Variants in IQCH observed in about 807,000 individuals in gnomAD.
IQCH encodes the protein IQ domain-containing protein H.
In IQCH, 98 loss-of-function variants were observed where a neutral mutation model predicts 117.0. The ratio of observed to expected loss-of-function variants is 0.84; its 90% CI spans 0.71 to 0.99. The LOEUF is 0.99. IQCH is among the 50% of genes least tolerant of loss of function. IQCH has a pLI of 0.00. For missense variants in IQCH, 1,102 were observed against 1,243.8 expected (o/e 0.89, Z 1.72); for synonymous variants, 412 against 448.2 (o/e 0.92, Z 1.02).
intron 16 of IQCH, among the ~76,000 whole-genome samples, chr15:67,442,563 G>A (rs895844995): frequency 6.6e-6 from 1 of 152,110 alleles, no homozygotes; most frequent in East Asian, 1.9e-4. Context: ...TACAGGGAAC[G>A]CTTCTACACT....
chr15:67,315,219 T>G (rs376684568), intron 4 of IQCH, among the ~76,000 whole-genome samples: 5 of 152,136 alleles, frequency 3.3e-5, no homozygotes, highest in African/African-American at 1.2e-4. Flanking sequence ...ATTTTCTCCT[T>G]ATTAGAAAGC....
At chr15:67,418,182 G>A (rs2414946) in intron 15 of IQCH, among the ~76,000 whole-genome samples, 3,248 of 152,156 alleles carry the variant, frequency 0.021, 120 homozygotes, top group African/African-American at 0.071. Flanking sequence ...AGGAGTCTTG[G>A]GCAGAGCCAG....
intron 6 of IQCH, among the ~76,000 whole-genome samples, chr15:67,350,196 A>T (rs569886272): frequency 6.6e-6 from 1 of 152,288 alleles, no homozygotes; most frequent in South Asian, 2.1e-4. Context: ...CTAAAAAGGA[A>T]CTAATTGCTG....
intron 4 of IQCH, among the ~76,000 whole-genome samples, chr15:67,335,090 A>G (rs943863304): frequency 8.5e-5 from 13 of 152,120 alleles, no homozygotes; most frequent in Non-Finnish European, 1.9e-4. Flanking sequence ...CACACTACAC[A>G]CACAGTCACC....
At chr15:67,286,169 G>A (rs189846371) in intron 4 of IQCH, among the ~76,000 whole-genome samples, 1 of 152,026 alleles carries the variant, frequency 6.6e-6, no homozygotes, top group East Asian at 1.9e-4. Context: ...ATTAATTCCT[G>A]GATATTTAAT....
Position 67,376,124 on chromosome 15 carries a change from A to C in IQCH, c.1372+2691A>C, listed in dbSNP as rs934086932. On this transcript the variant is annotated intron_variant, in intron 10 of 20. Transcript: ENST00000335894. The surrounding 1 kb of genome is among the most constrained non-coding windows in gnomAD (Gnocchi z 5.0). ...TTATACAAATGACTTGTGAACATTA[A>C]ATTAAGTAACAACAAGCTGTCATCT... 1.3e-5 allele frequency among the ~76,000 whole-genome samples: 2 copies of C among 152,128 alleles called. No individual in the cohort carries two copies. The highest frequency in any genetic ancestry group is 2.4e-5 in the African/African-American group (1 of 41,420).
chr15:67,330,105 A>T (rs1968600520), intron 4 of IQCH, among the ~76,000 whole-genome samples: 1 of 152,022 alleles, frequency 6.6e-6, no homozygotes, highest in African/African-American at 2.4e-5. Context: ...TCTTTATTTC[A>T]GTCAGTAGAG....
In IQCH at chr15:67,356,332, G is replaced by A. The variant is rs539108432; in HGVS notation, c.638-1013G>A. On this transcript the variant is annotated intron_variant, in intron 6 of 20. Coordinates refer to ENST00000335894, the MANE Select transcript of IQCH (RefSeq NM_001031715.3). The surrounding 1 kb of genome is among the most constrained non-coding windows in gnomAD (Gnocchi z 5.3). ...AACCAGAGGGTTGTAAAAATGGGTT[G>A]ATCAAATGCAACAAAGAAATCCCTT... Among the ~76,000 whole-genome samples, 12 of 152,264 alleles carry A rather than the reference G, an allele frequency of 7.9e-5. 1 individual carries two copies. The East Asian group carries it at 2.3e-3, about 29-fold the overall frequency.
chr15:67,413,684 C>A lies in IQCH; in HGVS notation c.2098-3247C>A, dbSNP rs1009377243. 6.6e-6 allele frequency: 1 copy of A among 152,136 alleles called. No homozygotes were observed. Among genetic ancestry groups the A allele is most frequent in the African/African-American group, 2.4e-5 (1 of 41,396 alleles). 9.4% of individuals were successfully genotyped at this position (152,136 alleles called of 1,614,324 possible). A position where few individuals can be genotyped will look rare whatever the true frequency, so the allele number is the denominator to read the frequency against. On this transcript the variant is annotated intron_variant, in intron 14 of 20. Transcript: ENST00000335894. This position sits in a 1 kb window ranked among gnomAD's most constrained non-coding sequence, Gnocchi z 5.0. ...CCCTCTCCTCTTACCTCGCATTATT[C>A]CTCTCCATGCCTTTTTTCTTAGAGA...
intron 6 of IQCH, among the ~76,000 whole-genome samples, chr15:67,347,203 GAAA>G (rs536203507): frequency 9.0e-6 from 1 of 111,688 alleles, no homozygotes; most frequent in Admixed American, 9.1e-5. Flanking sequence ...ATGGAAAATA[GAAA>G]AAAAAAAAAA....
intron 9 of IQCH, among the ~76,000 whole-genome samples, chr15:67,373,032 CCT>C (rs537589973): frequency 6.6e-6 from 1 of 151,986 alleles, no homozygotes; most frequent in Non-Finnish European, 1.5e-5. Flanking sequence ...AAAAAAAAAT[CCT>C]CTCTTGTCTA....
At chr15:67,497,195 G>C (rs1290478180) in intron 20 of IQCH, among the ~76,000 whole-genome samples, 1 of 151,954 alleles carries the variant, frequency 6.6e-6, no homozygotes, top group Admixed American at 6.6e-5. Flanking sequence ...GCCAGGTGTG[G>C]TGGCACACAC....
chr15:67,383,018 T>TAA (rs1970989259), intron 10 of IQCH, among the ~76,000 whole-genome samples: 1 of 152,204 alleles, frequency 6.6e-6, no homozygotes, highest in Non-Finnish European at 1.5e-5. Context: ...TAAAAAAATA[T>TAA]ATTGACTCCC....
At chr15:67,485,293 AT>A (rs1313232971) in intron 18 of IQCH, among the ~76,000 whole-genome samples, 1 of 152,220 alleles carries the variant, frequency 6.6e-6, no homozygotes, top group Non-Finnish European at 1.5e-5. Context: ...AAATAATTTA[AT>A]ATATGAATTT....
At position 67,408,071 on chromosome 15, in the gene IQCH, G is replaced by A. The variant is rs946895202; in HGVS notation, c.2097+7766G>A. ...GGCGCTATCGCCGCTTCAGCTCCAG[G>A]GTTGGCGGCCATATGGATCCCGAAT... is the stretch of plus-strand genomic sequence containing the variant. On this transcript the variant is annotated intron_variant, in intron 14 of 20. Transcript: ENST00000335894. The surrounding 1 kb of genome is among the most constrained non-coding windows in gnomAD (Gnocchi z 4.2). The A allele has an allele frequency of 2.6e-5, 4 of 152,232 alleles. No homozygotes were observed. Among genetic ancestry groups the A allele is most frequent in the Non-Finnish European group, 4.4e-5 (3 of 68,052 alleles). 9.4% of individuals were successfully genotyped at this position (152,232 alleles called of 1,614,324 possible). A position where few individuals can be genotyped will look rare whatever the true frequency, so the allele number is the denominator to read the frequency against.
In IQCH at chr15:67,344,194, A is replaced by G. The variant is rs1969289367; in HGVS notation, c.637+3A>G. The G allele has an allele frequency of 6.8e-6, 11 of 1,612,640 alleles. No homozygotes were observed. The highest frequency in any genetic ancestry group is 6.6e-5 in the South Asian group (6 of 90,872). ...AGCACGTAAGATTCCAACTGTAGGT[A>G]AGATACTCATGCATCTCAGTTCAGT... On this transcript the variant is annotated splice_donor_region_variant and intron_variant, in intron 6 of 20. Transcript: ENST00000335894.
intron 16 of IQCH, among the ~76,000 whole-genome samples, chr15:67,455,321 G>A (rs1199142465): frequency 6.6e-6 from 1 of 152,152 alleles, no homozygotes; most frequent in African/African-American, 2.4e-5. Context: ...CCTTGAATTT[G>A]AAATCAAGGG....
At position 67,391,011 on chromosome 15, in the gene IQCH, TCTCTGGTC is replaced by T. The variant is rs1386987126; in HGVS notation, c.1632+2017_1632+2024del. Reference sequence around the variant, plus strand: ...GTGGCCTTGGGCAAGCCCCCTTACTTCTCTGGTCCTCTGGTCCTCATCTATAAAATGAG... The same window carrying T: ...GTGGCCTTGGGCAAGCCCCCTTACTTCTCTGGTCCTCATCTATAAAATGAG... On this transcript the variant is annotated intron_variant, in intron 12 of 20. Transcript: ENST00000335894. This position sits in a 1 kb window ranked among gnomAD's most constrained non-coding sequence, Gnocchi z 4.3. 6.6e-6 allele frequency among the ~76,000 whole-genome samples: 1 copy of T among 152,296 alleles called. No individual in the cohort carries two copies. Among genetic ancestry groups the T allele is most frequent in the South Asian group, 2.1e-4 (1 of 4,826 alleles).
At position 67,417,942 on chromosome 15, in the gene IQCH, A is replaced by G. The variant is rs2081618121; in HGVS notation, c.2218+891A>G. On this transcript the variant is annotated intron_variant, in intron 15 of 20. Coordinates refer to ENST00000335894, the MANE Select transcript of IQCH (RefSeq NM_001031715.3). The surrounding 1 kb of genome is among the most constrained non-coding windows in gnomAD (Gnocchi z 4.3). ...ATGTCAGATGATAACAGCAGCAGCA[A>G]TAGCACAGTGATGATAATAATAGTG... 6.6e-6 allele frequency among the ~76,000 whole-genome samples: 1 copy of G among 152,230 alleles called. No individual in the cohort carries two copies.
Sources: gnomAD v4.1 joint callset for allele counts (sites outside exome capture counted in the v4.1 genomes callset) on GRCh38, gnomAD v4.1.1 for gene constraint, Gnocchi (gnomAD v3.1) non-coding constraint, MANE v1.5 for transcripts, NCBI Gene and HGNC (gene_info 2026-07-23, HGNC 2026-07-21) for gene names.